The following ZDHHC16 variants were observed in gnomAD, a reference collection of about 807,000 sequenced individuals.
ZDHHC16 encodes the protein zDHHC palmitoyltransferase 16, also known as palmitoyltransferase ZDHHC16.
Under a neutral mutation model 54.4 loss-of-function variants are expected in ZDHHC16, and 33 were observed. The observed-to-expected ratio is 0.61, with a 90% confidence interval of 0.46 to 0.81. ZDHHC16 has a LOEUF of 0.81. Among genes scored for constraint, ZDHHC16 ranks in the 30% least tolerant of loss-of-function variants. ZDHHC16 has a pLI of 0.00. For synonymous variants in ZDHHC16, 185 were observed against 182.1 expected (o/e 1.02, Z -0.13); for missense variants, 420 against 485.9 (o/e 0.86, Z 1.28).
At chr10:97,448,631 C>T (rs530646918) in intron 1 of ZDHHC16, among the ~76,000 whole-genome samples, 1 of 152,268 alleles carries the variant, frequency 6.6e-6, no homozygotes, top group Admixed American at 6.5e-5. Flanking sequence ...GTGGCAGGTG[C>T]CTGTAATCCC....
rs1291009221 is a variant in ZDHHC16 at position 97,455,719 on chromosome 10, G to A, written c.884G>A (p.Gly295Asp). ...TVWHAVLISR[G>D]ETSIERHINK... ...TGGCATGCTGTTCTCATCAGTCGAG[G>A]TGAGACTAGCATCGAAAGGCACATC... Residue 295 changes from glycine to aspartate, a missense_variant, in exon 10 of 12, where the codon GGT (glycine) becomes GAT (aspartate). By Grantham distance (94) the Gly-to-Asp change is moderately conservative. Transcript: ENST00000393760. 1 of 1,614,060 alleles carries A rather than the reference G, an allele frequency of 6.2e-7. No homozygotes were observed. The highest frequency in any genetic ancestry group is 8.5e-7 in the Non-Finnish European group (1 of 1,180,046).
At position 97,456,230 on chromosome 10, in the gene ZDHHC16, T is replaced by A. The variant is rs1232494520; in HGVS notation, c.1019+186T>A. 6.7e-6 allele frequency: 4 copies of A among 594,876 alleles called. No individual in the cohort carries two copies. The East Asian group carries it at 1.2e-4, about 17-fold the overall frequency. The allele number at this position is 594,876 out of a possible 1,614,324, so 36.8% of individuals were successfully genotyped here. On this transcript the variant is annotated intron_variant, in intron 11 of 11. Coordinates refer to ENST00000393760, the MANE Select transcript of ZDHHC16 (RefSeq NM_198046.3). The stretch of plus-strand genomic sequence containing the variant: ...GAGGCCAATACTGTGTGGTTTTAAG[T>A]AACAGATGAGGCTTCAACGTGACTA...
chr10:97,453,646 G>C lies in ZDHHC16; in HGVS notation c.673G>C (p.Ala225Pro), dbSNP rs200634200. Reference sequence around the variant, plus strand: ...TGGAAGTTGGGACCTTTTCCGGGAGGCTTATGCTGCCATTGAGGTGAGCTC... The same window carrying C: ...TGGAAGTTGGGACCTTTTCCGGGAGCCTTATGCTGCCATTGAGGTGAGCTC... ...SYGSWDLFRE[A>P]YAAIEKMKQL... The change falls in exon 7 of 12, where the codon GCT becomes CCT. Residue 225 changes from alanine (A) to proline (P), a missense_variant. Transcript: ENST00000393760. 6.2e-7 allele frequency: 1 copy of C among 1,614,188 alleles called. No individual in the cohort carries two copies. The highest frequency in any genetic ancestry group is 8.5e-7 in the Non-Finnish European group (1 of 1,180,040).
chr10:97,447,068 C>T (rs563698664), intron 1 of ZDHHC16, among the ~76,000 whole-genome samples: 85 of 152,316 alleles, frequency 5.6e-4, no homozygotes, highest in African/African-American at 2.0e-3. Flanking sequence ...TTCGCGGCCC[C>T]TCATCCCCAC....
intron 1 of ZDHHC16, among the ~76,000 whole-genome samples, chr10:97,447,724 C>T (rs1175014723): frequency 2.0e-5 from 3 of 152,066 alleles, no homozygotes; most frequent in Admixed American, 2.0e-4. Flanking sequence ...GAGTTTGAGA[C>T]CAGCCTGACC....
intron 8 of ZDHHC16, 130 bp downstream of exon 8, chr10:97,453,976 G>A (rs1846914853): frequency 7.2e-6 from 9 of 1,258,404 alleles, no homozygotes; most frequent in East Asian, 2.4e-5. Flanking sequence ...CAGATCAGGA[G>A]TGTTCAGGCA....
rs541980493 is a variant in ZDHHC16, at chr10:97,451,330, G to A, written c.-5-341G>A. The stretch of plus-strand genomic sequence containing the variant: ...GTCTGTCTACACAGACAACTCCTAA[G>A]ACTGCTTTGATTTGGAGTGGCCTTT... On this transcript the variant is annotated intron_variant, in intron 2 of 11. Transcript: ENST00000393760. 4 of 287,476 alleles carry A rather than the reference G, an allele frequency of 1.4e-5. No homozygotes were observed. In the East Asian group the frequency reaches 2.4e-4, roughly 17 times the overall value. The allele number at this position is 287,476 out of a possible 1,614,324, so 17.8% of individuals were successfully genotyped here. A position where few individuals can be genotyped will look rare whatever the true frequency, so the allele number is the denominator to read the frequency against.
intron 5 of ZDHHC16, 115 bp from the exon 6 acceptor site, chr10:97,452,780 T>C (rs1846768147): frequency 1.4e-6 from 2 of 1,432,932 alleles, no homozygotes; most frequent in Non-Finnish European, 2.0e-6. Context: ...CTGGCTGTCT[T>C]CAAAGTCTGT....
intron 9 of ZDHHC16, 88 bp from the exon 10 acceptor site, chr10:97,455,572 A>G: frequency 6.2e-7 from 1 of 1,606,256 alleles, no homozygotes. Context: ...GAGGTTCCAA[A>G]CCAGTTGTTA....
intron 1 of ZDHHC16, among the ~76,000 whole-genome samples, chr10:97,447,780 A>G (rs1269952): frequency 6.6e-6 from 1 of 152,106 alleles, no homozygotes; most frequent in Admixed American, 6.6e-5. Context: ...AAAATTAGCC[A>G]GGCGTGGTGG....
chr10:97,456,984 C>A lies in ZDHHC16; in HGVS notation c.*93C>A. The stretch of plus-strand genomic sequence containing the variant: ...GGCAGCTTTTCTCAGAATCCTTGAT[C>A]AAAAAGAGCCAGTGGGCCTGCCTTA... On this transcript the variant is annotated 3_prime_UTR_variant, in exon 12 of 12. Coordinates refer to ENST00000393760, the MANE Select transcript of ZDHHC16 (RefSeq NM_198046.3). The A allele has an allele frequency of 9.7e-7, 1 of 1,031,232 alleles. No individual in the cohort carries two copies. The highest frequency in any genetic ancestry group is 1.8e-5 in the South Asian group (1 of 55,722). The allele number at this position is 1,031,232 out of a possible 1,614,324, so 63.9% of individuals were successfully genotyped here. A position where few individuals can be genotyped will look rare whatever the true frequency, so the allele number is the denominator to read the frequency against.
rs538058676 is a variant in ZDHHC16, at chr10:97,456,543, C to T, written c.1020-234C>T. The T allele has an allele frequency of 3.0e-5, 12 of 406,444 alleles. 2 individuals are homozygous for T. In the South Asian group the frequency reaches 4.3e-4, roughly 15 times the overall value. 25.2% of individuals were successfully genotyped at this position (406,444 alleles called of 1,614,324 possible). On this transcript the variant is annotated intron_variant, in intron 11 of 11. Transcript: ENST00000393760. ...TTTCCCATGTACATGACACTCCTAT[C>T]ACTGTGCTTACAGTGGACCTTTAGA...
Position 97,446,264 on chromosome 10 carries a change from G to A in ZDHHC16, c.-275G>A. On this transcript the variant is annotated 5_prime_UTR_variant, in exon 1 of 12. Transcript: ENST00000393760. The stretch of plus-strand genomic sequence containing the variant: ...GGTGGTTTGGATTGAGCCGGGCCCG[G>A]CCGGGGCGCCGAGTCGGAGGGGGTG... 1 of 541,358 alleles carries A rather than the reference G, an allele frequency of 1.8e-6. No individual in the cohort carries two copies. The highest frequency in any genetic ancestry group is 3.2e-5 in the East Asian group (1 of 30,824). 33.5% of individuals were successfully genotyped at this position (541,358 alleles called of 1,614,324 possible).
intron 8 of ZDHHC16, 127 bp from the exon 9 acceptor site, chr10:97,454,587 A>G: frequency 1.2e-6 from 1 of 844,808 alleles, no homozygotes; most frequent in South Asian, 1.6e-5. Context: ...CTGCTACCCT[A>G]ACTCCTCTGT....
At chr10:97,446,897 T>G (rs943703386) in intron 1 of ZDHHC16, among the ~76,000 whole-genome samples, 4 of 152,228 alleles carry the variant, frequency 2.6e-5, no homozygotes, top group African/African-American at 9.6e-5. Flanking sequence ...TTTTGTAGTT[T>G]TAGTAGTGAC....
chr10:97,456,115 A>G (rs1373585152), intron 11 of ZDHHC16, 71 bp downstream of exon 11: 5 of 1,511,408 alleles, frequency 3.3e-6, no homozygotes, highest in Non-Finnish European at 4.6e-6. Flanking sequence ...TATGCCTGTG[A>G]GCACTTGGAA....
rs1846796459 is a variant in ZDHHC16 at position 97,453,049 on chromosome 10, C to T, written c.556+126C>T. On this transcript the variant is annotated intron_variant, in intron 6 of 11. Transcript: ENST00000393760. The stretch of plus-strand genomic sequence containing the variant: ...GGAGTTGAGGAGTTGTGGGGCCTGA[C>T]CATCTCCTGGGAGAGCAGGAAGCTC... The T allele has an allele frequency of 7.2e-6, 9 of 1,245,798 alleles. No individual in the cohort carries two copies. The East Asian group carries it at 2.1e-4, about 29-fold the overall frequency. The allele number at this position is 1,245,798 out of a possible 1,614,324, so 77.2% of individuals were successfully genotyped here.
chr10:97,450,870 C>T (rs894461884), intron 2 of ZDHHC16: 19 of 152,260 alleles, frequency 1.2e-4, no homozygotes, highest in African/African-American at 4.6e-4. Flanking sequence ...TGGAGGTCCC[C>T]TCCCATTGAC....
chr10:97,454,205 G>T (rs1004585651), intron 8 of ZDHHC16, among the ~76,000 whole-genome samples: 1 of 152,162 alleles, frequency 6.6e-6, no homozygotes. Flanking sequence ...CCTTGCTCCT[G>T]GTCCATCTGC....
Sources: gnomAD v4.1 joint callset for allele counts (sites outside exome capture counted in the v4.1 genomes callset) on GRCh38, gnomAD v4.1.1 for gene constraint, MANE v1.5 for transcripts, NCBI Gene and HGNC (gene_info 2026-07-23, HGNC 2026-07-21) for gene names.